Variants in NFATC2 observed in about 807,000 individuals in gnomAD.
NFATC2 encodes nuclear factor of activated T-cells, cytoplasmic 2.
Under a neutral mutation model 87.3 loss-of-function variants are expected in NFATC2, and 22 were observed. The observed-to-expected ratio is 0.25, with a 90% CI of 0.18 to 0.36. The LOEUF is 0.36. Among genes scored for constraint, NFATC2 ranks in the 10% least tolerant of loss-of-function variants. The pLI is 1.00. For synonymous variants in NFATC2, 565 were observed against 542.2 expected (o/e 1.04, Z -0.58); for missense variants, 1,149 against 1,259.1 (o/e 0.91, Z 1.32).
chr20:51,535,831 CT>C (rs1474083135), intron 1 of NFATC2, among the ~76,000 whole-genome samples: 1 of 152,178 alleles, frequency 6.6e-6, no homozygotes, highest in Non-Finnish European at 1.5e-5. Flanking sequence ...AAATCCTGAG[CT>C]TTGCTGGCCA....
At chr20:51,505,831 C>G (rs891568503) in intron 3 of NFATC2, among the ~76,000 whole-genome samples, 3 of 152,168 alleles carry the variant, frequency 2.0e-5, no homozygotes, top group Non-Finnish European at 4.4e-5. Flanking sequence ...CACCGTCTGC[C>G]CCTAACTCAC....
At chr20:51,427,533 C>T (rs909934970) in intron 9 of NFATC2, among the ~76,000 whole-genome samples, 6 of 152,196 alleles carry the variant, frequency 3.9e-5, no homozygotes, top group Non-Finnish European at 8.8e-5. Flanking sequence ...TTTCAATTCA[C>T]ACATCCCCCT....
chr20:51,529,929 C>A (rs1019996630), intron 1 of NFATC2, among the ~76,000 whole-genome samples: 4 of 152,160 alleles, frequency 2.6e-5, no homozygotes, highest in South Asian at 4.1e-4. Context: ...GCCCCGCCCC[C>A]GCCAATGCTT....
At chr20:51,513,961 C>T (rs552748919) in intron 3 of NFATC2, among the ~76,000 whole-genome samples, 5 of 152,310 alleles carry the variant, frequency 3.3e-5, no homozygotes, top group East Asian at 3.9e-4. Context: ...ATAGAGCTTG[C>T]GGTATCCAAA....
chr20:51,488,840 T>C (rs1191443870), intron 3 of NFATC2, among the ~76,000 whole-genome samples: 3 of 152,062 alleles, frequency 2.0e-5, no homozygotes. Context: ...TAAAAGCAAA[T>C]GAGATCCTAT....
intron 10 of NFATC2, among the ~76,000 whole-genome samples, chr20:51,394,023 G>A (rs1986691374): frequency 6.6e-6 from 1 of 152,196 alleles, no homozygotes; most frequent in Non-Finnish European, 1.5e-5. Flanking sequence ...AGATAGAAGT[G>A]AAGAGTTGCA....
Position 51,562,408 on chromosome 20 carries a change from C to T in NFATC2, c.70+152G>A, listed in dbSNP as rs1176293693. On this transcript the variant is annotated intron_variant, in intron 1 of 10. Transcript: ENST00000414705. This position sits in a 1 kb window ranked among gnomAD's most constrained non-coding sequence, Gnocchi z 5.8. ...CGGGGCGCGGGCGCCCCTCCGCGGGCCCCGCTACCTGTGCGCCGAGGGCGA... is the reference window on the plus strand; with the variant it reads ...CGGGGCGCGGGCGCCCCTCCGCGGGTCCCGCTACCTGTGCGCCGAGGGCGA... 6.6e-6 allele frequency among the ~76,000 whole-genome samples: 1 copy of T among 152,210 alleles called. No homozygotes were observed. Among genetic ancestry groups the T allele is most frequent in the East Asian group, 1.9e-4 (1 of 5,166 alleles).
At chr20:51,471,955 C>T (rs577639428) in intron 5 of NFATC2, among the ~76,000 whole-genome samples, 62 of 152,188 alleles carry the variant, frequency 4.1e-4, no homozygotes, top group African/African-American at 1.4e-3. Flanking sequence ...ACACATGTAC[C>T]CTGGAACTTA....
intron 6 of NFATC2, among the ~76,000 whole-genome samples, chr20:51,447,305 C>T (rs1244781797): frequency 6.6e-6 from 1 of 152,142 alleles, no homozygotes; most frequent in Non-Finnish European, 1.5e-5. Flanking sequence ...CCAAGAAAAT[C>T]GTCCAGCAAA....
intron 6 of NFATC2, among the ~76,000 whole-genome samples, chr20:51,439,434 T>C (rs1187516371): frequency 2.6e-5 from 4 of 152,204 alleles, no homozygotes; most frequent in Non-Finnish European, 5.9e-5. Context: ...GCACTCCTTA[T>C]GCAGTTTCAG....
At chr20:51,491,859 C>T (rs148406775) in intron 3 of NFATC2, among the ~76,000 whole-genome samples, 2 of 135,250 alleles carry the variant, frequency 1.5e-5, no homozygotes, top group Admixed American at 7.7e-5. Context: ...CCCACCCCCA[C>T]CAACACACAC....
chr20:51,432,387 G>A lies in NFATC2; in HGVS notation c.2402C>T (p.Ser801Phe), dbSNP rs770584865. Residue 801 changes from serine (S) to phenylalanine (F), a missense_variant, in exon 9 of 11, where the codon TCT becomes TTT. Coordinates refer to ENST00000371564, the MANE Select transcript of NFATC2 (RefSeq NM_012340.5). This position sits in a 1 kb window ranked among gnomAD's most constrained non-coding sequence, Gnocchi z 4.6. ...QGQSSALLHPSPTNQQASPVI... is the reference protein window; with the variant it reads ...QGQSSALLHPFPTNQQASPVI... ...AGGCGAGGCCTGCTGGTTGGTCGGA[G>A]AGGGGTGGAGCAGGGCTGAGCTCTG... is the stretch of plus-strand genomic sequence containing the variant. 1 of 1,609,946 alleles carries A rather than the reference G, an allele frequency of 6.2e-7. No individual in the cohort carries two copies. Among genetic ancestry groups the A allele is most frequent in the Non-Finnish European group, 8.5e-7 (1 of 1,177,816 alleles).
rs1349275487 is a variant in NFATC2 at position 51,475,650 on chromosome 20, T to C, written c.1343A>G (p.Tyr448Cys). ...GGHPVVQLHG[Y>C]MENKPLGLQI... ...AAGTCCCAGAGGCTTGTTTTCCATG[T>C]AGCCATGGAGCTGGTGGGGGAGAAA... Residue 448 changes from tyrosine to cysteine, a missense_variant, in exon 4 of 11, where the codon TAC becomes TGC. This residue lies in a region of NFATC2 where 581 missense variants were observed against 649.7 expected (regional missense o/e 0.89). Transcript: ENST00000371564. The C allele has an allele frequency of 3.1e-6, 5 of 1,613,994 alleles. No homozygotes were observed. Among genetic ancestry groups the C allele is most frequent in the Admixed American group, 1.7e-5 (1 of 59,996 alleles).
In NFATC2 at chr20:51,390,578, G is replaced by A. The variant is rs1487210139; in HGVS notation, c.*918C>T. 6.6e-6 allele frequency: 1 copy of A among 152,294 alleles called. No homozygotes were observed. The highest frequency in any genetic ancestry group is 1.5e-5 in the Non-Finnish European group (1 of 68,138). 9.4% of individuals were successfully genotyped at this position (152,294 alleles called of 1,614,324 possible). On this transcript the variant is annotated 3_prime_UTR_variant, in exon 11 of 11. Coordinates refer to ENST00000371564, the MANE Select transcript of NFATC2 (RefSeq NM_012340.5). ...ACAGGTGCTTGCTCTCTGCAGCCTG[G>A]GTCAGCCCCCCAAGTCTATGGAAAT...
chr20:51,528,081 G>A (rs2076573834), intron 1 of NFATC2, among the ~76,000 whole-genome samples: 1 of 112,578 alleles, frequency 8.9e-6, no homozygotes, highest in South Asian at 2.7e-4. Flanking sequence ...ATGAGAACCT[G>A]TCCCAAAAAA....
chr20:51,396,803 A>G (rs1987217673), intron 10 of NFATC2, among the ~76,000 whole-genome samples: 1 of 152,128 alleles, frequency 6.6e-6, no homozygotes, highest in East Asian at 1.9e-4. Context: ...CTGAAAGCAC[A>G]TGAAGTCCTC....
chr20:51,473,932 G>T (rs191494975), intron 5 of NFATC2, 48 bp downstream of exon 5: 1 of 1,588,702 alleles, frequency 6.3e-7, no homozygotes, highest in Non-Finnish European at 8.6e-7. Flanking sequence ...GGAAGCCCAC[G>T]TGCCCTACGC....
At chr20:51,400,388 T>G (rs1032451612) in intron 9 of NFATC2, among the ~76,000 whole-genome samples, 1 of 146,998 alleles carries the variant, frequency 6.8e-6, no homozygotes, top group Non-Finnish European at 1.5e-5. Flanking sequence ...ACCAGGTTCT[T>G]CAGACCATCC....
chr20:51,544,860 T>A (rs1402539477), upstream of NFATC2, among the ~76,000 whole-genome samples: 1 of 152,222 alleles, frequency 6.6e-6, no homozygotes, highest in Non-Finnish European at 1.5e-5. Flanking sequence ...CAAACTCTAC[T>A]GCAGGGGCCT....
Sources: allele counts gnomAD v4.1 joint callset (sites outside exome capture counted in the v4.1 genomes callset), GRCh38; gene constraint gnomAD v4.1.1; regional missense constraint gnomAD v4.1.1; non-coding constraint Gnocchi (gnomAD v3.1); transcripts MANE v1.5; gene names NCBI Gene and HGNC (gene_info 2026-07-23, HGNC 2026-07-21).